The following CD247 variants were observed in gnomAD, a reference collection of about 807,000 sequenced individuals.
CD247 encodes the protein CD247 molecule.
Under a neutral mutation model 30.0 loss-of-function variants are expected in CD247, and 13 were observed. That is an observed-to-expected ratio of 0.43 (90% confidence interval 0.28 to 0.69). CD247 has a LOEUF of 0.69. CD247 is among the 30% of genes least tolerant of loss of function. The pLI is 0.16. For missense variants in CD247, 193 were observed against 212.6 expected, an observed-to-expected ratio of 0.91 and a Z score of 0.57; for synonymous variants, 72 against 80.0, an observed-to-expected ratio of 0.90 and a Z score of 0.53.
chr1:167,499,060 C>T (rs1654804101), intron 1 of CD247, among the ~76,000 whole-genome samples: 1 of 152,146 alleles, frequency 6.6e-6, no homozygotes, highest in Non-Finnish European at 1.5e-5. Flanking sequence ...CTGAATTGTC[C>T]ATCATGGCCT....
intron 1 of CD247, among the ~76,000 whole-genome samples, chr1:167,514,517 T>TA (rs1558036155): frequency 6.6e-6 from 1 of 152,156 alleles, no homozygotes; most frequent in Non-Finnish European, 1.5e-5. Context: ...TCAGGGAACT[T>TA]AAAGTTGTTT....
chr1:167,493,037 C>CTTTTTTT (rs60850667), intron 1 of CD247, among the ~76,000 whole-genome samples: 134 of 80,338 alleles, frequency 1.7e-3, no homozygotes, highest in Admixed American at 2.1e-3. Context: ...AATTTTTCTC[C>CTTTTTTT]TTTTTTTTTT....
At chr1:167,498,223 G>A (rs1003561178) in intron 1 of CD247, among the ~76,000 whole-genome samples, 5 of 152,122 alleles carry the variant, frequency 3.3e-5, no homozygotes, top group South Asian at 2.1e-4. Context: ...CACAGACTTC[G>A]GTTGTCTTTC....
intron 1 of CD247, among the ~76,000 whole-genome samples, chr1:167,496,263 T>C (rs778489021): frequency 9.2e-5 from 14 of 152,224 alleles, no homozygotes; most frequent in Admixed American, 2.0e-4. Context: ...ACAGTAGTGT[T>C]CCCAGAAGTC....
chr1:167,456,864 A>G (rs950607111), intron 1 of CD247, among the ~76,000 whole-genome samples: 15 of 152,212 alleles, frequency 9.9e-5, no homozygotes, highest in Admixed American at 9.8e-4. Flanking sequence ...TTGCATGGCC[A>G]TCTTATGTTC....
chr1:167,447,554 C>T (rs1571524215), intron 1 of CD247, among the ~76,000 whole-genome samples: 1 of 152,290 alleles, frequency 6.6e-6, no homozygotes, highest in East Asian at 1.9e-4. Flanking sequence ...AAACCTCACC[C>T]CCGTCCAGCT....
At chr1:167,517,324 C>T (rs1274682466) in intron 1 of CD247, among the ~76,000 whole-genome samples, 4 of 152,224 alleles carry the variant, frequency 2.6e-5, no homozygotes, top group Admixed American at 2.6e-4. Context: ...TAAACAAATT[C>T]CCACACCCAG....
At chr1:167,432,333 A>G (rs559378092) in intron 7 of CD247, among the ~76,000 whole-genome samples, 2 of 152,176 alleles carry the variant, frequency 1.3e-5, no homozygotes, top group Non-Finnish European at 2.9e-5. Flanking sequence ...GGGGCCAGGA[A>G]GGAGAAGGAT....
intron 1 of CD247, among the ~76,000 whole-genome samples, chr1:167,445,221 T>A (rs575189747): frequency 6.7e-4 from 102 of 152,250 alleles, no homozygotes; most frequent in African/African-American, 2.3e-3. Flanking sequence ...CCACCGTGCC[T>A]GGCCAAATAT....
rs559310955 is a variant in CD247, at chr1:167,438,778, G to A, written c.220-128C>T. On this transcript the variant is annotated intron_variant, in intron 3 of 7. Transcript: ENST00000362089. ...AAAAGAGGGGCAGGGGCTGGGGAGG[G>A]GATGGTAACTGGTCCATCTGGAGAC... 3.4e-4 allele frequency: 257 copies of A among 765,728 alleles called. 2 individuals are homozygous for A. In the South Asian group the frequency reaches 3.5e-3, roughly 10 times the overall value. 47.4% of individuals were successfully genotyped at this position (765,728 alleles called of 1,614,324 possible).
rs1026391424 is a variant in CD247, at chr1:167,505,214, T to C, written c.58+13194A>G. On this transcript the variant is annotated intron_variant, in intron 1 of 7. Transcript: ENST00000362089. ...GGTACGATCATAGCTCACTGCAGCC[T>C]GGAACTCCTGGGCTCAAGCAATCCT... 3.3e-5 allele frequency among the ~76,000 whole-genome samples: 5 copies of C among 152,250 alleles called. No individual in the cohort carries two copies. The East Asian group carries it at 9.6e-4, about 29-fold the overall frequency.
intron 1 of CD247, among the ~76,000 whole-genome samples, chr1:167,504,391 A>G (rs909343265): frequency 6.6e-6 from 1 of 152,264 alleles, no homozygotes; most frequent in Non-Finnish European, 1.5e-5. Flanking sequence ...TCGCTTGCTC[A>G]GAAAATACAC....
intron 1 of CD247, among the ~76,000 whole-genome samples, chr1:167,441,598 A>C (rs1279837533): frequency 6.6e-6 from 1 of 151,884 alleles, no homozygotes; most frequent in Non-Finnish European, 1.5e-5. Flanking sequence ...TCTCCCTGAA[A>C]CCCTACTATT....
chr1:167,515,848 C>T (rs550440309), intron 1 of CD247, among the ~76,000 whole-genome samples: 6 of 152,284 alleles, frequency 3.9e-5, no homozygotes, highest in South Asian at 2.1e-4. Flanking sequence ...GAAGACAGTC[C>T]GAGATGTAAT....
intron 1 of CD247, among the ~76,000 whole-genome samples, chr1:167,456,177 C>A (rs1167558807): frequency 1.3e-5 from 2 of 152,324 alleles, no homozygotes; most frequent in East Asian, 3.9e-4. Flanking sequence ...GCACACATAC[C>A]CAGTGCATGG....
chr1:167,491,680 G>A (rs1430060292), intron 1 of CD247, among the ~76,000 whole-genome samples: 1 of 152,208 alleles, frequency 6.6e-6, no homozygotes, highest in Non-Finnish European at 1.5e-5. Flanking sequence ...CATGTTTATA[G>A]CAGCACTGTT....
intron 1 of CD247, among the ~76,000 whole-genome samples, chr1:167,492,676 CCTT>C (rs1353003032): frequency 6.6e-6 from 1 of 152,184 alleles, no homozygotes; most frequent in Admixed American, 6.5e-5. Context: ...CCCTAAACCT[CCTT>C]CTTGAACTGA....
intron 1 of CD247, among the ~76,000 whole-genome samples, chr1:167,476,385 T>C (rs1653748053): frequency 2.0e-5 from 3 of 152,200 alleles, no homozygotes; most frequent in African/African-American, 7.2e-5. Flanking sequence ...ATGTCTTACT[T>C]AGCTGCATAC....
chr1:167,501,808 G>C (rs749812486), intron 1 of CD247, among the ~76,000 whole-genome samples: 3 of 152,188 alleles, frequency 2.0e-5, no homozygotes, highest in Non-Finnish European at 4.4e-5. Context: ...CTCTTCTCAG[G>C]GTCCGTATGC....
Sources: gnomAD v4.1 joint callset for allele counts (sites outside exome capture counted in the v4.1 genomes callset) on GRCh38, gnomAD v4.1.1 for gene constraint, MANE v1.5 for transcripts, NCBI Gene and HGNC (gene_info 2026-07-23, HGNC 2026-07-21) for gene names.